RAB38: variants seen among roughly 807,000 people sequenced by gnomAD.
RAB38 encodes RAB38, member RAS oncogene family.
RAB38 carries 15 observed loss-of-function variants against 18.4 expected under a neutral mutation model. The observed-to-expected ratio is 0.82, with a 90% CI of 0.55 to 1.26. The LOEUF (loss-of-function observed/expected upper bound fraction) is 1.26. Ranked by LOEUF, RAB38 falls within the 50% of genes most tolerant of loss-of-function variation. RAB38 has a pLI of 0.00. For missense variants in RAB38, 294 were observed against 267.4 expected, an observed-to-expected ratio of 1.10 and a Z score of -0.69; for synonymous variants, 101 against 104.4, an observed-to-expected ratio of 0.97 and a Z score of 0.20.
intron 2 of RAB38, among the ~76,000 whole-genome samples, chr11:88,126,766 A>G (rs1423648631): frequency 6.6e-6 from 1 of 152,146 alleles, no homozygotes; most frequent in African/African-American, 2.4e-5. Flanking sequence ...TGTAACCTCC[A>G]GGAAGTCACC....
the RAB38 span, among the ~76,000 whole-genome samples, chr11:87,832,681 T>C: frequency 1.3e-5 from 2 of 152,250 alleles, no homozygotes; most frequent in East Asian, 3.9e-4. Flanking sequence ...GACTTCTCTT[T>C]GTTCCCCAGC....
the RAB38 span, among the ~76,000 whole-genome samples, chr11:87,904,554 T>C: frequency 0.24 from 36,416 of 151,588 alleles, 6,912 homozygotes; most frequent in African/African-American, 0.53. Flanking sequence ...AATGAATATA[T>C]GAGTGCATGT....
At chr11:87,883,775 A>G in the RAB38 span, among the ~76,000 whole-genome samples, 1 of 151,964 alleles carries the variant, frequency 6.6e-6, no homozygotes, top group East Asian at 2.0e-4. Flanking sequence ...AGCTATTAGA[A>G]GGTGTCATGA....
chr11:88,056,840 CATACATACAT>C, the RAB38 span, among the ~76,000 whole-genome samples: 153 of 38,562 alleles, frequency 4.0e-3, no homozygotes, highest in South Asian at 0.065. Flanking sequence ...TAAATACATA[CATACATACAT>C]ACATACATAC....
chr11:87,853,291 G>A, the RAB38 span, among the ~76,000 whole-genome samples: 4 of 152,128 alleles, frequency 2.6e-5, no homozygotes, highest in African/African-American at 7.2e-5. Flanking sequence ...GGAGCCTTTG[G>A]GAGGCAATTA....
chr11:88,174,637 A>AAAAAC (rs1565223987), intron 1 of RAB38, among the ~76,000 whole-genome samples: 90 of 133,632 alleles, frequency 6.7e-4, no homozygotes, highest in East Asian at 1.1e-3. Flanking sequence ...AAAAAAAAAA[A>AAAAAC]AAAACAAAAC....
chr11:87,900,620 C>T, the RAB38 span, among the ~76,000 whole-genome samples: 1 of 150,474 alleles, frequency 6.6e-6, no homozygotes, highest in African/African-American at 2.4e-5. Flanking sequence ...TAATGTTCAT[C>T]TCTCCTTATG....
intron 1 of RAB38, among the ~76,000 whole-genome samples, chr11:88,164,776 A>C (rs1244318906): frequency 2.0e-5 from 3 of 152,078 alleles, no homozygotes; most frequent in Non-Finnish European, 1.5e-5. Flanking sequence ...TGAACTGAGA[A>C]AGTTTGAGAA....
the RAB38 span, among the ~76,000 whole-genome samples, chr11:88,064,083 G>A: frequency 2.6e-5 from 4 of 152,168 alleles, no homozygotes; most frequent in African/African-American, 7.2e-5. Flanking sequence ...CAACAACAGG[G>A]ACTCAGAGAG....
chr11:87,820,527 G>A, the RAB38 span, among the ~76,000 whole-genome samples: 3 of 152,144 alleles, frequency 2.0e-5, no homozygotes, highest in Non-Finnish European at 2.9e-5. Flanking sequence ...TTAAATCAGA[G>A]TGGTCAAGAA....
At chr11:88,006,166 T>TA in the RAB38 span, among the ~76,000 whole-genome samples, 206 of 149,034 alleles carry the variant, frequency 1.4e-3, no homozygotes, top group African/African-American at 3.4e-3. Context: ...CCAACAGAAA[T>TA]AAAAAAAAAA....
At chr11:87,863,459 G>A in the RAB38 span, among the ~76,000 whole-genome samples, 1 of 151,730 alleles carries the variant, frequency 6.6e-6, no homozygotes, top group East Asian at 2.0e-4. Flanking sequence ...GCATGAAGTG[G>A]GTAGTGGGCT....
At chr11:87,873,861 G>GGTGT in the RAB38 span, among the ~76,000 whole-genome samples, 2 of 139,608 alleles carry the variant, frequency 1.4e-5, no homozygotes, top group South Asian at 4.6e-4. Flanking sequence ...AGTGTATAGG[G>GGTGT]GTGTGTGTGT....
the RAB38 span, among the ~76,000 whole-genome samples, chr11:87,946,116 A>G: frequency 6.6e-6 from 1 of 152,164 alleles, no homozygotes; most frequent in African/African-American, 2.4e-5. Context: ...GTAGGGGAAT[A>G]TATACAAACT....
the RAB38 span, among the ~76,000 whole-genome samples, chr11:88,079,683 A>G: frequency 6.6e-6 from 1 of 151,858 alleles, no homozygotes; most frequent in East Asian, 1.9e-4. Context: ...TAATATAAAA[A>G]ATGTAATACA....
chr11:87,958,268 C>T, the RAB38 span, among the ~76,000 whole-genome samples: 1 of 152,132 alleles, frequency 6.6e-6, no homozygotes, highest in African/African-American at 2.4e-5. Context: ...CTCGGCTAAG[C>T]TACAATGTTC....
chr11:88,107,450 C>G, the RAB38 span, among the ~76,000 whole-genome samples: 1 of 152,130 alleles, frequency 6.6e-6, no homozygotes, highest in South Asian at 2.1e-4. Flanking sequence ...ATCATAATAT[C>G]TACATGTATT....
the RAB38 span, among the ~76,000 whole-genome samples, chr11:88,023,005 A>G: frequency 4.2e-4 from 64 of 152,214 alleles, 1 homozygote; most frequent in African/African-American, 1.4e-3. Context: ...TTTGGAGGGT[A>G]TAGAGTGAGA....
the RAB38 span, among the ~76,000 whole-genome samples, chr11:88,041,154 A>G: frequency 1.4e-3 from 215 of 152,308 alleles, no homozygotes; most frequent in Non-Finnish European, 2.5e-3. Context: ...ATAGTGAAAT[A>G]TATCAAACCA....
Sources: allele counts gnomAD v4.1 joint callset (sites outside exome capture counted in the v4.1 genomes callset), GRCh38; gene constraint gnomAD v4.1.1; transcripts MANE v1.5; gene names NCBI Gene and HGNC (gene_info 2026-07-23, HGNC 2026-07-21).